ASB3: variants seen among roughly 807,000 people sequenced by gnomAD.
ASB3 encodes the protein ankyrin repeat and SOCS box containing 3.
A neutral mutation model predicts 54.5 loss-of-function variants in ASB3; 41 were observed. The ratio of observed to expected loss-of-function variants is 0.75; its 90% CI spans 0.59 to 0.98. ASB3 has a LOEUF of 0.98. ASB3 is among the 50% of genes least tolerant of loss of function. The pLI is 0.00. For missense variants in ASB3, 733 were observed against 620.0 expected, an observed-to-expected ratio of 1.18 and a Z score of -1.94; for synonymous variants, 266 against 221.2, an observed-to-expected ratio of 1.20 and a Z score of -1.80.
At chr2:53,757,680 T>G (rs753527892) in intron 2 of ASB3, among the ~76,000 whole-genome samples, 7 of 152,210 alleles carry the variant, frequency 4.6e-5, no homozygotes, top group African/African-American at 1.7e-4. Context: ...CTTAGGTACC[T>G]AGGCTATGAA....
intron 3 of ASB3, among the ~76,000 whole-genome samples, chr2:53,738,609 T>C (rs1386305395): frequency 1.3e-5 from 2 of 152,150 alleles, no homozygotes; most frequent in Admixed American, 1.3e-4. Context: ...TTGAATTGAA[T>C]TGAAATTTAA....
chr2:53,706,612 A>AT (rs1428116455), intron 7 of ASB3, among the ~76,000 whole-genome samples: 1 of 151,818 alleles, frequency 6.6e-6, no homozygotes, highest in Non-Finnish European at 1.5e-5. Flanking sequence ...CGCCTGACTA[A>AT]TTTTTTGTAT....
At chr2:53,778,758 C>A (rs142852097) in intron 1 of ASB3, among the ~76,000 whole-genome samples, 30 of 152,292 alleles carry the variant, frequency 2.0e-4, no homozygotes, top group African/African-American at 6.7e-4. Context: ...TACGTATGTA[C>A]ACCAGATTTT....
In ASB3 at chr2:53,696,634, AGTAATAGAACTATAGATAGCC is replaced by A. The variant is rs1445736220; in HGVS notation, c.1239-2641_1239-2621del. On this transcript the variant is annotated intron_variant, in intron 8 of 9. Coordinates refer to ENST00000263634, the MANE Select transcript of ASB3 (RefSeq NM_016115.5). ...AAGGGATTAAGGATTACTAAAATTG[AGTAATAGAACTATAGATAGCC>A]CTCCACATCCTAAGAGTCAACCAAT... is the stretch of plus-strand genomic sequence containing the variant. 2.6e-5 allele frequency among the ~76,000 whole-genome samples: 4 copies of A among 152,188 alleles called. No individual in the cohort carries two copies. In the East Asian group the frequency reaches 7.7e-4, roughly 29 times the overall value.
chr2:53,720,907 A>G (rs921880827), intron 5 of ASB3, among the ~76,000 whole-genome samples: 2 of 152,108 alleles, frequency 1.3e-5, no homozygotes, highest in African/African-American at 4.8e-5. Context: ...CTTGAAGGTC[A>G]GGAGTTTGAG....
chr2:53,771,373 T>A (rs1673894931), intron 1 of ASB3, among the ~76,000 whole-genome samples: 1 of 151,850 alleles, frequency 6.6e-6, no homozygotes. Context: ...ATTAGCTGGG[T>A]GTCTTGGCGG....
At chr2:53,714,319 A>T (rs1035976374) in intron 7 of ASB3, 65 bp downstream of exon 7, 11 of 1,552,208 alleles carry the variant, frequency 7.1e-6, no homozygotes, top group Non-Finnish European at 8.7e-6. Context: ...AAAGAAAGTC[A>T]CTTCAAAACA....
At chr2:53,685,953 T>C (rs1261290260) in intron 9 of ASB3, among the ~76,000 whole-genome samples, 1 of 152,234 alleles carries the variant, frequency 6.6e-6, no homozygotes, top group African/African-American at 2.4e-5. Context: ...GGGCTGATCC[T>C]GTATGGAACT....
chr2:53,674,212 A>G (rs981430710), intron 9 of ASB3, among the ~76,000 whole-genome samples: 13 of 152,130 alleles, frequency 8.5e-5, no homozygotes, highest in African/African-American at 2.4e-4. Flanking sequence ...ATACATCTCC[A>G]TGTTCTTGGA....
chr2:53,727,880 C>T (rs1671095007), intron 5 of ASB3, among the ~76,000 whole-genome samples: 1 of 152,108 alleles, frequency 6.6e-6, no homozygotes, highest in African/African-American at 2.4e-5. Context: ...CACATGCCAC[C>T]ATGCCCAGCT....
intron 9 of ASB3, among the ~76,000 whole-genome samples, chr2:53,685,800 C>G (rs1668601683): frequency 1.3e-5 from 2 of 152,212 alleles, no homozygotes; most frequent in African/African-American, 4.8e-5. Flanking sequence ...TAGAGCAGAT[C>G]ACACATTTAA....
chr2:53,699,494 C>T (rs1186669170), intron 8 of ASB3, among the ~76,000 whole-genome samples: 2 of 152,110 alleles, frequency 1.3e-5, no homozygotes, highest in East Asian at 1.9e-4. Context: ...TCTAAGAAGA[C>T]AATTAGTGCC....
At position 53,774,490 on chromosome 2, in the gene ASB3, C is replaced by T. The variant is rs769005275; in HGVS notation, c.-13-8905G>A. On this transcript the variant is annotated intron_variant, in intron 1 of 9. Coordinates refer to ENST00000263634, the MANE Select transcript of ASB3 (RefSeq NM_016115.5). ...CGCTTTGGAAAAATTAGTAAAGGAA[C>T]GTTTAGAAGGGAAACAGAACCTCAA... 8 of 1,570,376 alleles carry T rather than the reference C, an allele frequency of 5.1e-6. No individual in the cohort carries two copies. In the South Asian group the frequency reaches 6.1e-5, roughly 12 times the overall value.
At chr2:53,672,455 G>C (rs765678327) in intron 9 of ASB3, among the ~76,000 whole-genome samples, 2 of 152,136 alleles carry the variant, frequency 1.3e-5, no homozygotes, top group Non-Finnish European at 2.9e-5. Flanking sequence ...CATATGGAAA[G>C]CAGGCCCAAG....
At chr2:53,765,766 CTGTT>C (rs892117260) in intron 1 of ASB3, among the ~76,000 whole-genome samples, 181 bp from the exon 2 acceptor site, 8 of 152,324 alleles carry the variant, frequency 5.3e-5, no homozygotes, top group African/African-American at 1.9e-4. Context: ...GGAAGTTTCT[CTGTT>C]TGGCAGATTG....
At chr2:53,712,143 CTATTTGCAGT>C (rs1670134259) in intron 7 of ASB3, among the ~76,000 whole-genome samples, 1 of 151,578 alleles carries the variant, frequency 6.6e-6, no homozygotes, top group South Asian at 2.1e-4. Context: ...ATAATAGCTC[CTATTTGCAGT>C]TATCCCAGAC....
chr2:53,699,941 T>A (rs183248498), intron 8 of ASB3, among the ~76,000 whole-genome samples: 1 of 152,282 alleles, frequency 6.6e-6, no homozygotes, highest in African/African-American at 2.4e-5. Flanking sequence ...AACAGAAATC[T>A]CCAAAGCAGC....
chr2:53,718,654 C>A (rs1670527892), intron 5 of ASB3, among the ~76,000 whole-genome samples: 1 of 151,914 alleles, frequency 6.6e-6, no homozygotes, highest in Non-Finnish European at 1.5e-5. Flanking sequence ...AGGATCAAAA[C>A]CTCACATATC....
intron 3 of ASB3, among the ~76,000 whole-genome samples, chr2:53,746,572 G>A (rs891236870): frequency 9.3e-5 from 14 of 150,674 alleles, no homozygotes; most frequent in Non-Finnish European, 1.5e-4. Context: ...CCGCCCTCCC[G>A]GATTCAAGTG....
Sources: gnomAD v4.1 joint callset for allele counts (sites outside exome capture counted in the v4.1 genomes callset) on GRCh38, gnomAD v4.1.1 for gene constraint, MANE v1.5 for transcripts, NCBI Gene and HGNC (gene_info 2026-07-23, HGNC 2026-07-21) for gene names.